The following DISP1 variants were observed in gnomAD, a reference collection of about 807,000 sequenced individuals.
DISP1 encodes protein dispatched homolog 1.
DISP1 carries 30 observed loss-of-function variants against 37.3 expected under a neutral mutation model. That is an observed-to-expected ratio of 0.80 (90% CI 0.60 to 1.09). The LOEUF (loss-of-function observed/expected upper bound fraction) is 1.09. Ranked by LOEUF, DISP1 falls within the 50% of genes least tolerant of loss-of-function variation. The probability of loss-of-function intolerance (pLI) is 0.00; values close to 1 mark genes in which losing one functional copy is unlikely to be tolerated. For synonymous variants in DISP1, 634 were observed against 690.2 expected (o/e 0.92, Z 1.28); for missense variants, 1,598 against 1,879.5 (o/e 0.85, Z 2.77).
chr1:222,992,300 G>A (rs1291546274), intron 7 of DISP1, among the ~76,000 whole-genome samples, 190 bp downstream of exon 7: 1 of 152,040 alleles, frequency 6.6e-6, no homozygotes, highest in East Asian at 1.9e-4. Context: ...ACTAGTCTGA[G>A]TTTATTATAT....
At chr1:222,936,835 A>ATATATATCATATATATGATATATAATT (rs1310379036) in intron 2 of DISP1, among the ~76,000 whole-genome samples, 3,659 of 38,864 alleles carry the variant, frequency 0.094, 443 homozygotes, top group East Asian at 0.14. Context: ...TATATAAATT[A>ATATATATCATATATATGATATATAATT]TATATATCAT....
chr1:222,877,883 G>T (rs1670052838), intron 1 of DISP1, among the ~76,000 whole-genome samples: 1 of 152,174 alleles, frequency 6.6e-6, no homozygotes, highest in African/African-American at 2.4e-5. Flanking sequence ...CAACCCAAGA[G>T]AACAGCCCTG....
At chr1:222,939,577 C>T (rs1052408105) in intron 2 of DISP1, among the ~76,000 whole-genome samples, 10 of 151,602 alleles carry the variant, frequency 6.6e-5, no homozygotes, top group African/African-American at 2.2e-4. Flanking sequence ...AATCCTAATC[C>T]CAGCACTTTG....
intron 3 of DISP1, among the ~76,000 whole-genome samples, chr1:222,977,342 C>CTTT (rs397982983): frequency 0.03 from 3,426 of 113,804 alleles, 263 homozygotes; most frequent in African/African-American, 0.11. Context: ...TCAGCATATT[C>CTTT]TTTTTTTTTT....
intron 1 of DISP1, among the ~76,000 whole-genome samples, chr1:222,853,323 A>G (rs922024875): frequency 3.9e-5 from 6 of 152,198 alleles, no homozygotes; most frequent in East Asian, 1.9e-4. Flanking sequence ...TACAGCTACT[A>G]TGGAGAACAG....
At chr1:222,844,888 G>A (rs1289236157) in intron 1 of DISP1, among the ~76,000 whole-genome samples, 1 of 152,100 alleles carries the variant, frequency 6.6e-6, no homozygotes, top group East Asian at 1.9e-4. Flanking sequence ...ACATTTAGTT[G>A]TAGACCACGA....
chr1:222,935,571 A>G (rs1384631306), intron 2 of DISP1, among the ~76,000 whole-genome samples: 1 of 152,138 alleles, frequency 6.6e-6, no homozygotes, highest in African/African-American at 2.4e-5. Context: ...GATCAACTCA[A>G]GTGAGATCAT....
At chr1:222,908,669 C>T (rs1672047877) in intron 1 of DISP1, among the ~76,000 whole-genome samples, 2 of 152,180 alleles carry the variant, frequency 1.3e-5, no homozygotes, top group Admixed American at 1.3e-4. Context: ...GCTGGGATTA[C>T]AGGCACGAGC....
In DISP1 at chr1:222,955,992, G is replaced by C. The variant is rs547150081; in HGVS notation, c.509+12660G>C. Among the ~76,000 whole-genome samples the C allele has an allele frequency of 2.0e-5, 3 of 152,312 alleles. No individual in the cohort carries two copies. In the South Asian group the frequency reaches 6.2e-4, roughly 32 times the overall value. ...TTGTAATAGTTACCAAATACTTTGA[G>C]ATTCAAGCCTAATGCTTTCTACAGG... On this transcript the variant is annotated intron_variant, in intron 3 of 8. Coordinates refer to ENST00000675850, the MANE Select transcript of DISP1 (RefSeq NM_001377229.1).
At chr1:222,965,469 C>A (rs1014239565) in intron 3 of DISP1, among the ~76,000 whole-genome samples, 2 of 152,124 alleles carry the variant, frequency 1.3e-5, no homozygotes, top group South Asian at 2.1e-4. Context: ...ACTTTCCTGG[C>A]AATGCCAGGT....
chr1:222,870,031 C>T (rs1466624384), intron 1 of DISP1, among the ~76,000 whole-genome samples: 1 of 151,682 alleles, frequency 6.6e-6, no homozygotes, highest in African/African-American at 2.4e-5. Flanking sequence ...TGAATGAGAA[C>T]ATGCGGTGTT....
chr1:222,947,490 G>A (rs536191724), intron 3 of DISP1, among the ~76,000 whole-genome samples: 1 of 152,100 alleles, frequency 6.6e-6, no homozygotes, highest in African/African-American at 2.4e-5. Flanking sequence ...CAGGTATCAT[G>A]GCTATTGTGA....
chr1:222,987,004 A>G (rs934183915), intron 4 of DISP1, among the ~76,000 whole-genome samples: 11 of 152,032 alleles, frequency 7.2e-5, no homozygotes, highest in African/African-American at 2.7e-4. Flanking sequence ...CTTCTACTCT[A>G]CATGTGGTTC....
chr1:222,977,069 G>T (rs1281068368), intron 3 of DISP1, among the ~76,000 whole-genome samples: 1 of 152,006 alleles, frequency 6.6e-6, no homozygotes, highest in Non-Finnish European at 1.5e-5. Context: ...CGCTCTTATT[G>T]CCCAGGCTGG....
rs1674498051 is a variant in DISP1, at chr1:222,943,010, A to C, written c.187A>C (p.Lys63Gln). ...NGCLQLNGTV[K>Q]SSFLPLDNQR... ...ATGCCTGCAACTTAATGGCACGGTC[A>C]AATCATCCTTTCTGCCTTTAGACAA... Residue 63 changes from lysine to glutamine, a missense_variant, in exon 3 of 9, where the codon AAA becomes CAA. Transcript: ENST00000675850. 4 of 1,614,102 alleles carry C rather than the reference A, an allele frequency of 2.5e-6. No individual in the cohort carries two copies. In the African/African-American group the frequency reaches 5.3e-5, roughly 22 times the overall value.
chr1:222,835,955 C>CAAAA (rs1275754600), intron 1 of DISP1, among the ~76,000 whole-genome samples: 12,274 of 116,670 alleles, frequency 0.11, 614 homozygotes, highest in African/African-American at 0.15. Context: ...ACTCTTGTCT[C>CAAAA]AAAAAAAAAA....
At chr1:222,904,608 C>T (rs916916598) in intron 1 of DISP1, among the ~76,000 whole-genome samples, 1 of 149,738 alleles carries the variant, frequency 6.7e-6, no homozygotes, top group South Asian at 2.1e-4. Flanking sequence ...TGCTGTGTCA[C>T]CTGGGCTGGA....
chr1:222,989,502 A>T (rs1172857016), intron 4 of DISP1: 1 of 985,346 alleles, frequency 1.0e-6, no homozygotes, highest in Non-Finnish European at 1.2e-6. Flanking sequence ...GAAGGGATAC[A>T]GAAACAGATC....
intron 3 of DISP1, among the ~76,000 whole-genome samples, chr1:222,960,115 A>T (rs933339046): frequency 6.6e-6 from 1 of 152,218 alleles, no homozygotes; most frequent in African/African-American, 2.4e-5. Context: ...TCAGCTCTGG[A>T]TCAAGTGGAC....
Sources: gnomAD v4.1 joint callset for allele counts (sites outside exome capture counted in the v4.1 genomes callset) on GRCh38, gnomAD v4.1.1 for gene constraint, MANE v1.5 for transcripts, NCBI Gene and HGNC (gene_info 2026-07-23, HGNC 2026-07-21) for gene names.